The following KLRG1 variants were observed in gnomAD, a reference collection of about 807,000 sequenced individuals.
KLRG1 encodes the protein killer cell lectin like receptor G1.
In KLRG1, 16 loss-of-function variants were observed where a neutral mutation model predicts 21.8. The observed-to-expected ratio is 0.73, with a 90% confidence interval of 0.50 to 1.11. The LOEUF (loss-of-function observed/expected upper bound fraction) is 1.11, where lower values mean the gene tolerates loss of function less well. Ranked by LOEUF, KLRG1 falls within the 50% of genes most tolerant of loss-of-function variation. The probability of loss-of-function intolerance (pLI) is 0.00; values close to 1 mark genes in which losing one functional copy is unlikely to be tolerated. For missense variants in KLRG1, 173 were observed against 218.3 expected, an observed-to-expected ratio of 0.79 and a Z score of 1.31; for synonymous variants, 69 against 75.9, an observed-to-expected ratio of 0.91 and a Z score of 0.47.
the KLRG1 span, among the ~76,000 whole-genome samples, chr12:9,146,384 T>C: frequency 2.6e-5 from 4 of 152,088 alleles, 1 homozygote; most frequent in East Asian, 7.7e-4. Flanking sequence ...TTGATACTTT[T>C]TGTGGTTTTG....
At chr12:8,997,856 G>A (rs926543817) in intron 3 of KLRG1, among the ~76,000 whole-genome samples, 2 of 151,626 alleles carry the variant, frequency 1.3e-5, no homozygotes, top group Non-Finnish European at 1.5e-5. Flanking sequence ...GCACAATCTC[G>A]GCTCACTGCA....
chr12:9,016,243 C>T, the KLRG1 span, among the ~76,000 whole-genome samples: 3 of 151,666 alleles, frequency 2.0e-5, no homozygotes, highest in African/African-American at 7.3e-5. Flanking sequence ...AAGATAAAAT[C>T]AGCAAACCTT....
the KLRG1 span, chr12:9,099,231 T>G: frequency 8.7e-5 from 29 of 333,482 alleles, 7 homozygotes; most frequent in African/African-American, 1.6e-4. Context: ...TGATTCTGCT[T>G]CTTAGTGTGA....
the KLRG1 span, among the ~76,000 whole-genome samples, chr12:9,016,266 G>T: frequency 2.6e-5 from 4 of 151,322 alleles, no homozygotes; most frequent in African/African-American, 7.3e-5. Context: ...GCCATACTAC[G>T]TAAGAAAAAA....
chr12:9,203,860 C>T, the KLRG1 span: 6 of 1,614,060 alleles, frequency 3.7e-6, no homozygotes, highest in East Asian at 1.1e-4. Flanking sequence ...GAAGCACTTA[C>T]AGTCACTGTC....
chr12:8,993,435 C>T (rs1218915853), intron 2 of KLRG1, among the ~76,000 whole-genome samples: 2 of 151,972 alleles, frequency 1.3e-5, no homozygotes, highest in South Asian at 2.1e-4. Flanking sequence ...ATTACAGGCA[C>T]CTGCCACCAC....
At chr12:9,198,486 T>A in the KLRG1 span, among the ~76,000 whole-genome samples, 8 of 152,068 alleles carry the variant, frequency 5.3e-5, no homozygotes, top group Non-Finnish European at 1.2e-4. Context: ...ACATAATAAC[T>A]AAGCAAATCT....
At chr12:9,145,525 T>C in the KLRG1 span, among the ~76,000 whole-genome samples, 5 of 152,210 alleles carry the variant, frequency 3.3e-5, no homozygotes, top group Admixed American at 3.3e-4. Context: ...TATTTTAGTT[T>C]GTTATTTTTA....
the KLRG1 span, chr12:9,166,279 C>T: frequency 6.8e-6 from 10 of 1,464,794 alleles, no homozygotes; most frequent in African/African-American, 1.4e-5. Context: ...CGTTAGAGAA[C>T]AAAATTTTCA....
chr12:9,021,389 A>C, the KLRG1 span, among the ~76,000 whole-genome samples: 1 of 149,836 alleles, frequency 6.7e-6, no homozygotes, highest in Non-Finnish European at 1.5e-5. Context: ...TACATTTTTA[A>C]AAACTTTTTT....
chr12:8,969,708 T>A (rs1946536623), intron 1 of KLRG1, among the ~76,000 whole-genome samples: 1 of 152,110 alleles, frequency 6.6e-6, no homozygotes, highest in South Asian at 2.1e-4. Context: ...TCTAGTTTTT[T>A]AAAGTGATCA....
At chr12:9,120,414 AAC>A in the KLRG1 span, among the ~76,000 whole-genome samples, 2 of 152,212 alleles carry the variant, frequency 1.3e-5, no homozygotes, top group African/African-American at 2.4e-5. Flanking sequence ...AATACAGGAA[AAC>A]ACATAACAGT....
chr12:9,153,115 G>A, the KLRG1 span: 1 of 1,613,318 alleles, frequency 6.2e-7, no homozygotes, highest in African/African-American at 1.3e-5. Flanking sequence ...ATATAAGCTT[G>A]GAGCCCTACC....
the KLRG1 span, chr12:9,090,171 T>TTCTCA: frequency 7.3e-7 from 1 of 1,367,544 alleles, no homozygotes; most frequent in Non-Finnish European, 1.0e-6. Context: ...GAGAGGTGAA[T>TTCTCA]GATACTGAGA....
chr12:9,085,692 G>T, the KLRG1 span, among the ~76,000 whole-genome samples: 1 of 151,556 alleles, frequency 6.6e-6, no homozygotes, highest in East Asian at 1.9e-4. Context: ...ACTAGAAAAA[G>T]AATACAAAAG....
chr12:9,094,377 CT>C, the KLRG1 span, among the ~76,000 whole-genome samples: 1 of 72,138 alleles, frequency 1.4e-5, no homozygotes, highest in East Asian at 5.7e-4. Flanking sequence ...ATATATATAC[CT>C]ATACATGCAT....
the KLRG1 span, among the ~76,000 whole-genome samples, chr12:9,212,866 G>T: frequency 2.0e-5 from 3 of 151,936 alleles, no homozygotes; most frequent in African/African-American, 4.8e-5. Flanking sequence ...GTATGCTCAT[G>T]GTGTTATGTA....
the KLRG1 span, chr12:9,196,884 A>T: frequency 1.2e-6 from 1 of 826,652 alleles, no homozygotes; most frequent in South Asian, 1.7e-5. Flanking sequence ...GACTAAGAAC[A>T]GAAATTCGTT....
the KLRG1 span, among the ~76,000 whole-genome samples, chr12:9,131,183 T>G: frequency 6.6e-6 from 1 of 152,184 alleles, no homozygotes; most frequent in Non-Finnish European, 1.5e-5. Flanking sequence ...TTGATCATTG[T>G]GTCTTTGTAT....
Sources: allele counts gnomAD v4.1 joint callset (sites outside exome capture counted in the v4.1 genomes callset), GRCh38; gene constraint gnomAD v4.1.1; transcripts MANE v1.5; gene names NCBI Gene and HGNC (gene_info 2026-07-23, HGNC 2026-07-21).